OPRD1: variants seen among roughly 807,000 people sequenced by gnomAD.
The protein encoded by OPRD1 is opioid receptor delta 1.
In OPRD1, 19 loss-of-function variants were observed where a neutral mutation model predicts 17.5. That is an observed-to-expected ratio of 1.09 (90% CI 0.76 to 1.60). The LOEUF (loss-of-function observed/expected upper bound fraction) is 1.60, where lower values mean the gene tolerates loss of function less well. Ranked by LOEUF, OPRD1 falls within the 40% of genes most tolerant of loss-of-function variation. The pLI, the probability that OPRD1 is intolerant of heterozygous loss-of-function variation, is 0.00. For missense variants in OPRD1, 483 were observed against 547.2 expected (o/e 0.88, Z 1.17); for synonymous variants, 256 against 240.9 (o/e 1.06, Z -0.58).
chr1:28,861,475 C>T (rs899268046), intron 2 of OPRD1, among the ~76,000 whole-genome samples: 2 of 152,282 alleles, frequency 1.3e-5, no homozygotes, highest in East Asian at 1.9e-4. Flanking sequence ...GACAGGGTCT[C>T]GCTCTGTCAC....
chr1:28,860,696 G>C (rs2089106825), intron 2 of OPRD1, among the ~76,000 whole-genome samples: 1 of 152,104 alleles, frequency 6.6e-6, no homozygotes, highest in African/African-American at 2.4e-5. Flanking sequence ...GTTTACTTAG[G>C]GTCACACAGC....
chr1:28,840,755 C>A (rs1464826828), intron 1 of OPRD1, among the ~76,000 whole-genome samples: 1 of 151,944 alleles, frequency 6.6e-6, no homozygotes, highest in Non-Finnish European at 1.5e-5. Context: ...AATCCCGGCT[C>A]CACTAAAAAT....
chr1:28,821,956 C>CT (rs56145206), intron 1 of OPRD1, among the ~76,000 whole-genome samples: 56,831 of 146,340 alleles, frequency 0.39, 11,544 homozygotes, highest in African/African-American at 0.54. Flanking sequence ...TTATTTCTTT[C>CT]TTTTTTTTTT....
intron 1 of OPRD1, among the ~76,000 whole-genome samples, chr1:28,824,179 C>CAGA (rs1557569560): frequency 1.2e-5 from 1 of 82,328 alleles, no homozygotes; most frequent in Non-Finnish European, 2.8e-5. Context: ...AACCTATCTC[C>CAGA]AAAAAAAAAA....
rs1169021565 is a variant in OPRD1 at position 28,870,629 on chromosome 1, A to G, written c.*7346A>G. 6.6e-6 allele frequency: 1 copy of G among 152,232 alleles called. No homozygotes were observed. Among genetic ancestry groups the G allele is most frequent in the Non-Finnish European group, 1.5e-5 (1 of 68,094 alleles). 9.4% of individuals were successfully genotyped at this position (152,232 alleles called of 1,614,324 possible). A position where few individuals can be genotyped will look rare whatever the true frequency, so the allele number is the denominator to read the frequency against. On this transcript the variant is annotated 3_prime_UTR_variant, in exon 3 of 3. Transcript: ENST00000234961. ...TCCTTGAATTTCAGAAGGTGGGACA[A>G]CATGTGCTGGAAAGCAGTTCTTAAG...
intron 1 of OPRD1, among the ~76,000 whole-genome samples, chr1:28,846,997 C>T (rs1339060216): frequency 6.9e-6 from 1 of 145,616 alleles, no homozygotes; most frequent in African/African-American, 2.5e-5. Flanking sequence ...TACTTTCTTC[C>T]TTTCCCTTCC....
intron 1 of OPRD1, among the ~76,000 whole-genome samples, chr1:28,850,477 C>T (rs1213202912): frequency 1.3e-5 from 2 of 152,094 alleles, no homozygotes; most frequent in African/African-American, 4.8e-5. Flanking sequence ...GCACGCTCCA[C>T]CACGCCTGGC....
At position 28,866,972 on chromosome 1, in the gene OPRD1, C is replaced by T. The variant is rs1472698904; in HGVS notation, c.*3689C>T. 1 of 150,982 alleles carries T rather than the reference C, an allele frequency of 6.6e-6. No individual in the cohort carries two copies. Among genetic ancestry groups the T allele is most frequent in the African/African-American group, 2.4e-5 (1 of 40,924 alleles). 9.4% of individuals were successfully genotyped at this position (150,982 alleles called of 1,614,324 possible). On this transcript the variant is annotated 3_prime_UTR_variant, in exon 3 of 3. Coordinates refer to ENST00000234961, the MANE Select transcript of OPRD1 (RefSeq NM_000911.4). ...TTTTTGCCCCTGATTTCAAAATGTC[C>T]TACTGTTTCAGATCTCTTCTTCTTC...
chr1:28,839,076 T>C (rs2088875663), intron 1 of OPRD1, among the ~76,000 whole-genome samples: 1 of 152,202 alleles, frequency 6.6e-6, no homozygotes, highest in Non-Finnish European at 1.5e-5. Context: ...ATTAGTTCCC[T>C]GGGGCTGCCA....
chr1:28,823,353 C>T (rs1569607530), intron 1 of OPRD1, among the ~76,000 whole-genome samples: 1 of 149,800 alleles, frequency 6.7e-6, no homozygotes, highest in East Asian at 1.9e-4. Flanking sequence ...TGCACCACTA[C>T]ACCCGGCTAT....
intron 1 of OPRD1, among the ~76,000 whole-genome samples, chr1:28,816,143 T>C (rs373661159): frequency 6.6e-5 from 10 of 152,296 alleles, no homozygotes; most frequent in South Asian, 4.2e-4. Flanking sequence ...TTCTACATGC[T>C]CTGTGCTAAA....
In OPRD1 at chr1:28,862,824, C is replaced by T. The variant is rs757436803; in HGVS notation, c.660C>T (p.Phe220=). 4 of 1,613,316 alleles carry T rather than the reference C, an allele frequency of 2.5e-6. No individual in the cohort carries two copies. The highest frequency in any genetic ancestry group is 1.7e-5 in the Admixed American group (1 of 60,018). ...TGACCAAGATCTGCGTGTTCCTCTT[C>T]GCCTTCGTGGTGCCCATCCTCATCA... The part of the protein sequence containing the change: ...DTVTKICVFL[F]AFVVPILIIT... Residue 220 remains phenylalanine (F), a synonymous_variant, in exon 3 of 3, where the codon TTC becomes TTT. Coordinates refer to ENST00000234961, the MANE Select transcript of OPRD1 (RefSeq NM_000911.4).
chr1:28,814,003 AGT>A (rs987906872), intron 1 of OPRD1, among the ~76,000 whole-genome samples: 2 of 152,260 alleles, frequency 1.3e-5, no homozygotes, highest in Admixed American at 6.5e-5. Context: ...TGTGGGTGTC[AGT>A]GGGCTTCGGC....
At chr1:28,828,687 T>TAA (rs71027300) in intron 1 of OPRD1, among the ~76,000 whole-genome samples, 26,744 of 101,994 alleles carry the variant, frequency 0.26, 4,133 homozygotes, top group East Asian at 0.36. Context: ...CTCGATCTCT[T>TAA]AAAAAAAAAA....
chr1:28,812,730 C>A, intron 1 of OPRD1, 120 bp downstream of exon 1: 1 of 895,210 alleles, frequency 1.1e-6, no homozygotes, highest in Non-Finnish European at 1.6e-6. Context: ...CCTGCAGGGG[C>A]ACCTGGGGCC....
chr1:28,858,722 T>A (rs1252766824), intron 1 of OPRD1, among the ~76,000 whole-genome samples: 3 of 151,862 alleles, frequency 2.0e-5, no homozygotes, highest in Non-Finnish European at 4.4e-5. Context: ...ATTTTTGTAT[T>A]TTTAGTAGAG....
At chr1:28,856,339 A>T (rs2089058501) in intron 1 of OPRD1, among the ~76,000 whole-genome samples, 1 of 152,192 alleles carries the variant, frequency 6.6e-6, no homozygotes, top group Admixed American at 6.5e-5. Context: ...CTTAAAGATG[A>T]AGATTCCCAG....
chr1:28,831,568 C>T (rs2088809406), intron 1 of OPRD1, among the ~76,000 whole-genome samples: 1 of 151,856 alleles, frequency 6.6e-6, no homozygotes, highest in Non-Finnish European at 1.5e-5. Context: ...TCGGAGTTAA[C>T]ACCAAAAATA....
chr1:28,841,308 C>T (rs1557574183), intron 1 of OPRD1, among the ~76,000 whole-genome samples: 2 of 152,262 alleles, frequency 1.3e-5, no homozygotes, highest in African/African-American at 2.4e-5. Flanking sequence ...ATGAATGCTA[C>T]GGTGTGGGCC....
Sources: gnomAD v4.1 joint callset for allele counts (sites outside exome capture counted in the v4.1 genomes callset) on GRCh38, gnomAD v4.1.1 for gene constraint, MANE v1.5 for transcripts, NCBI Gene and HGNC (gene_info 2026-07-23, HGNC 2026-07-21) for gene names.